The following SYNPR variants were observed in gnomAD, a reference collection of about 807,000 sequenced individuals.
The protein encoded by SYNPR is synaptoporin.
A neutral mutation model predicts 32.9 loss-of-function variants in SYNPR; 23 were observed. The ratio of observed to expected loss-of-function variants is 0.70; its 90% CI spans 0.50 to 0.99. SYNPR has a LOEUF of 0.99. SYNPR is among the 50% of genes least tolerant of loss of function. The probability of loss-of-function intolerance (pLI) is 0.00; values close to 1 mark genes in which losing one functional copy is unlikely to be tolerated. For synonymous variants in SYNPR, 146 were observed against 135.9 expected, an observed-to-expected ratio of 1.07 and a Z score of -0.52; for missense variants, 318 against 349.3, an observed-to-expected ratio of 0.91 and a Z score of 0.71.
intron 2 of SYNPR, among the ~76,000 whole-genome samples, chr3:63,360,967 G>A (rs1284397293): frequency 2.0e-5 from 3 of 152,122 alleles, no homozygotes; most frequent in African/African-American, 7.2e-5. Flanking sequence ...ACATGTATTT[G>A]GTACATTGCT....
At chr3:63,481,636 C>T (rs1701049162) in intron 3 of SYNPR, among the ~76,000 whole-genome samples, 1 of 152,110 alleles carries the variant, frequency 6.6e-6, no homozygotes, top group South Asian at 2.1e-4. Context: ...ACTCTCCTAA[C>T]TAACTAATAA....
chr3:63,577,572 G>A (rs777094535), intron 4 of SYNPR, among the ~76,000 whole-genome samples: 10 of 152,140 alleles, frequency 6.6e-5, no homozygotes, highest in African/African-American at 1.2e-4. Flanking sequence ...AAGAGAACTA[G>A]AGTAATGGAT....
chr3:63,274,955 G>A (rs909332512), upstream of SYNPR, among the ~76,000 whole-genome samples: 1 of 152,164 alleles, frequency 6.6e-6, no homozygotes, highest in Non-Finnish European at 1.5e-5. Context: ...TAAATGGATT[G>A]CCTTGGCATA....
intron 3 of SYNPR, among the ~76,000 whole-genome samples, chr3:63,498,611 A>ATTC (rs1367976752): frequency 6.6e-6 from 1 of 152,152 alleles, no homozygotes; most frequent in Non-Finnish European, 1.5e-5. Context: ...TGGAGAAGAG[A>ATTC]TTCTTACAGA....
chr3:63,534,951 C>T (rs1334403897), intron 3 of SYNPR, among the ~76,000 whole-genome samples: 1 of 152,102 alleles, frequency 6.6e-6, no homozygotes, highest in African/African-American at 2.4e-5. Context: ...CACCTCCCAA[C>T]ATTGCCACAT....
intron 2 of SYNPR, among the ~76,000 whole-genome samples, chr3:63,365,293 T>A (rs1027536382): frequency 2.0e-5 from 3 of 152,178 alleles, no homozygotes; most frequent in Admixed American, 2.0e-4. Flanking sequence ...AGTTTCAAAC[T>A]TGAAGGTATT....
At chr3:63,451,282 G>A (rs62252074) in intron 2 of SYNPR, among the ~76,000 whole-genome samples, 8,807 of 152,166 alleles carry the variant, frequency 0.058, 346 homozygotes, top group Middle Eastern at 0.1. Context: ...CCCTCGATGA[G>A]TGCTTGAGGT....
intron 3 of SYNPR, among the ~76,000 whole-genome samples, chr3:63,544,336 C>T (rs2174509): frequency 0.12 from 18,210 of 151,966 alleles, 1,237 homozygotes; most frequent in Middle Eastern, 0.22. Flanking sequence ...TTTCTTGTGT[C>T]TTAGACATTT....
chr3:63,466,427 A>G (rs1181805452), intron 2 of SYNPR, among the ~76,000 whole-genome samples: 2 of 150,650 alleles, frequency 1.3e-5, no homozygotes, highest in African/African-American at 2.4e-5. Flanking sequence ...ACTGTTGGAC[A>G]TAGAGGCTTG....
At chr3:63,435,806 C>T (rs780947848) in intron 2 of SYNPR, among the ~76,000 whole-genome samples, 2 of 152,176 alleles carry the variant, frequency 1.3e-5, no homozygotes, top group African/African-American at 2.4e-5. Flanking sequence ...CATTGAAAGT[C>T]TAGGCCAATA....
At chr3:63,502,427 G>T (rs919241785) in intron 3 of SYNPR, among the ~76,000 whole-genome samples, 4 of 151,826 alleles carry the variant, frequency 2.6e-5, no homozygotes, top group African/African-American at 9.7e-5. Context: ...TTTACCTCAG[G>T]GTTCACTCTT....
chr3:63,254,590 T>C (rs1345628974), intron 2 of SYNPR, among the ~76,000 whole-genome samples: 1 of 152,146 alleles, frequency 6.6e-6, no homozygotes, highest in Non-Finnish European at 1.5e-5. Context: ...ACAAGGGTCT[T>C]GCAATTGTGG....
In SYNPR at chr3:63,384,961, A is replaced by C. The variant is rs1285815113; in HGVS notation, c.85-95871A>C. On this transcript the variant is annotated intron_variant, in intron 2 of 5. Coordinates refer to ENST00000478300, the MANE Select transcript of SYNPR (RefSeq NM_001130003.2). ...CTATATTTGAATTTAATAGTTTAGG[A>C]GGCATGCTTGAGGTGGAAAAACCAT... 3.9e-5 allele frequency among the ~76,000 whole-genome samples: 6 copies of C among 152,258 alleles called. No homozygotes were observed. The South Asian group carries it at 1.2e-3, about 32-fold the overall frequency.
At chr3:63,547,585 C>T (rs965242027) in intron 3 of SYNPR, among the ~76,000 whole-genome samples, 15 of 152,138 alleles carry the variant, frequency 9.9e-5, no homozygotes, top group Admixed American at 6.6e-4. Context: ...GAACAATGGC[C>T]GCAGTTCCCA....
At chr3:63,583,791 A>G (rs892542437) in intron 4 of SYNPR, among the ~76,000 whole-genome samples, 5 of 152,130 alleles carry the variant, frequency 3.3e-5, no homozygotes, top group African/African-American at 1.2e-4. Context: ...GATCTATTAT[A>G]TTACCCTTTT....
rs771974784 is a variant in SYNPR, at chr3:63,480,863, G to C, written c.116G>C (p.Gly39Ala). Residue 39 changes from glycine (G) to alanine (A), a missense_variant, in exon 3 of 6, where the codon GGT (glycine) becomes GCT (alanine). By Grantham distance (60) the Gly-to-Ala change is moderately conservative (BLOSUM62 0). Coordinates refer to ENST00000478300, the MANE Select transcript of SYNPR (RefSeq NM_001130003.2). ...GCAATCTTTGCATTTGCAACATGCG[G>C]TGGCTATTCTGGAGGCCTGCGGCTG... Reference protein sequence around the residue: ...LFAIFAFATCGGYSGGLRLSV... With the variant: ...LFAIFAFATCAGYSGGLRLSV... The C allele has an allele frequency of 3.7e-6, 6 of 1,613,516 alleles. No homozygotes were observed. Among genetic ancestry groups the C allele is most frequent in the African/African-American group, 1.3e-5 (1 of 75,032 alleles).
intron 3 of SYNPR, among the ~76,000 whole-genome samples, chr3:63,509,134 AT>A (rs1701643939): frequency 6.6e-6 from 1 of 151,688 alleles, no homozygotes; most frequent in Admixed American, 6.6e-5. Context: ...ACACACACAC[AT>A]ATATGTATGG....
At chr3:63,609,003 T>A in intron 4 of SYNPR, 122 bp from the exon 5 acceptor site, 1 of 743,792 alleles carries the variant, frequency 1.3e-6, no homozygotes, top group Non-Finnish European at 2.1e-6. Flanking sequence ...TTTCCTTGTT[T>A]CCAGTGCTAT....
chr3:63,461,022 T>C (rs9809813), intron 2 of SYNPR, among the ~76,000 whole-genome samples: 26,205 of 151,926 alleles, frequency 0.17, 2,377 homozygotes, highest in Middle Eastern at 0.21. Flanking sequence ...GAAAGAGACA[T>C]GCAGGATGAC....
Sources: allele counts gnomAD v4.1 joint callset (sites outside exome capture counted in the v4.1 genomes callset), GRCh38; gene constraint gnomAD v4.1.1; transcripts MANE v1.5; gene names NCBI Gene and HGNC (gene_info 2026-07-23, HGNC 2026-07-21).